EXT1: variants seen among roughly 807,000 people sequenced by gnomAD.
The protein encoded by EXT1 is exostosin glycosyltransferase 1.
Under a neutral mutation model 82.5 loss-of-function variants are expected in EXT1, and 20 were observed. The observed-to-expected ratio is 0.24, with a 90% CI of 0.17 to 0.35. The LOEUF is 0.35. Among genes scored for constraint, EXT1 ranks in the 10% least tolerant of loss-of-function variants. The pLI, the probability that EXT1 is intolerant of heterozygous loss-of-function variation, is 1.00. For synonymous variants in EXT1, 348 were observed against 350.8 expected (o/e 0.99, Z 0.09); for missense variants, 757 against 936.5 (o/e 0.81, Z 2.50).
intron 1 of EXT1, among the ~76,000 whole-genome samples, chr8:118,109,373 A>G (rs1349395346): frequency 6.6e-6 from 1 of 151,568 alleles, no homozygotes; most frequent in Non-Finnish European, 1.5e-5. Context: ...AAAAAAAAAA[A>G]AAGTTTATCC....
intron 1 of EXT1, among the ~76,000 whole-genome samples, chr8:117,862,997 C>T (rs1205738891): frequency 1.3e-5 from 2 of 151,868 alleles, no homozygotes; most frequent in Non-Finnish European, 2.9e-5. Flanking sequence ...GAGGTGTTGG[C>T]AGAGGAAGGA....
rs200815125 is a variant in EXT1 at position 118,111,030 on chromosome 8, C to T, written c.17G>A (p.Arg6His). Residue 6 changes from arginine to histidine, a missense_variant, in exon 1 of 11, where the codon CGC becomes CAC. This residue lies in a region of EXT1 where 175 missense variants were observed against 159.0 expected (regional missense o/e 1.10). Coordinates refer to ENST00000378204, the MANE Select transcript of EXT1 (RefSeq NM_000127.3). Reference sequence around the variant, plus strand: ...GCCAGCTGAGAGCAGGATGAAATAGCGTTTTTTGGCCTGCATGTGTCCTGC... The same window carrying T: ...GCCAGCTGAGAGCAGGATGAAATAGTGTTTTTTGGCCTGCATGTGTCCTGC... MQAKK[R>H]YFILLSAGSC... 1.3e-6 allele frequency: 2 copies of T among 1,598,248 alleles called. No homozygotes were observed. The highest frequency in any genetic ancestry group is 1.3e-5 in the African/African-American group (1 of 74,930).
At chr8:118,049,736 T>C (rs1156906839) in intron 1 of EXT1, among the ~76,000 whole-genome samples, 1 of 152,242 alleles carries the variant, frequency 6.6e-6, no homozygotes, top group East Asian at 1.9e-4. Context: ...AAGCTTTTTC[T>C]TTCTTTCTGG....
At chr8:117,821,952 T>C (rs1811931473) in intron 5 of EXT1, among the ~76,000 whole-genome samples, 1 of 152,214 alleles carries the variant, frequency 6.6e-6, no homozygotes, top group Admixed American at 6.5e-5. Context: ...TGACTTTTTA[T>C]TTCTAGTACC....
At chr8:118,063,855 T>C (rs577207478) in intron 1 of EXT1, among the ~76,000 whole-genome samples, 2 of 147,192 alleles carry the variant, frequency 1.4e-5, no homozygotes, top group South Asian at 4.2e-4. Context: ...ACTTTATTTA[T>C]TTACTTATTT....
At chr8:117,908,993 G>A (rs1414512814) in intron 1 of EXT1, among the ~76,000 whole-genome samples, 1 of 151,562 alleles carries the variant, frequency 6.6e-6, no homozygotes, top group Non-Finnish European at 1.5e-5. Flanking sequence ...TTAGCTGGGC[G>A]TGGTTGTACG....
At chr8:117,917,222 T>C (rs1813769274) in intron 1 of EXT1, among the ~76,000 whole-genome samples, 1 of 152,150 alleles carries the variant, frequency 6.6e-6, no homozygotes, top group Admixed American at 6.5e-5. Flanking sequence ...ACCTGTAATC[T>C]TGGCACTCTG....
intron 1 of EXT1, among the ~76,000 whole-genome samples, chr8:117,845,354 T>A (rs999218299): frequency 6.6e-6 from 1 of 152,122 alleles, no homozygotes; most frequent in African/African-American, 2.4e-5. Context: ...TTATCAACTC[T>A]AAACTCCACC....
At chr8:117,886,472 C>T (rs1563591174) in intron 1 of EXT1, among the ~76,000 whole-genome samples, 1 of 152,178 alleles carries the variant, frequency 6.6e-6, no homozygotes, top group Non-Finnish European at 1.5e-5. Flanking sequence ...TATAAATGAG[C>T]ATGAATACTC....
chr8:118,035,052 CAG>C (rs923921262), intron 1 of EXT1, among the ~76,000 whole-genome samples: 13 of 152,162 alleles, frequency 8.5e-5, no homozygotes, highest in African/African-American at 3.1e-4. Flanking sequence ...CATGTTAAAA[CAG>C]AGTGTTGCAA....
intron 1 of EXT1, among the ~76,000 whole-genome samples, chr8:118,003,703 T>G (rs994832828): frequency 6.6e-6 from 1 of 152,238 alleles, no homozygotes; most frequent in Non-Finnish European, 1.5e-5. Context: ...CTTACTCTAC[T>G]TTGATTTCAA....
intron 1 of EXT1, among the ~76,000 whole-genome samples, chr8:117,858,705 AAAAG>A (rs1812610843): frequency 2.2e-5 from 3 of 134,846 alleles, no homozygotes; most frequent in Non-Finnish European, 4.7e-5. Context: ...AGAAAGAAAG[AAAAG>A]AAAGAAGGAA....
chr8:117,828,727 T>C (rs574211161), intron 4 of EXT1, among the ~76,000 whole-genome samples: 1 of 152,302 alleles, frequency 6.6e-6, no homozygotes, highest in South Asian at 2.1e-4. Flanking sequence ...AAGGAAGCCC[T>C]TGGAAGTCAT....
intron 1 of EXT1, among the ~76,000 whole-genome samples, chr8:117,996,028 T>G (rs1431703585): frequency 6.6e-6 from 1 of 152,036 alleles, no homozygotes; most frequent in Non-Finnish European, 1.5e-5. Context: ...ACCTTGCCAC[T>G]TCTCATCAAG....
At chr8:117,919,099 G>T (rs563148727) in intron 1 of EXT1, among the ~76,000 whole-genome samples, 2 of 152,144 alleles carry the variant, frequency 1.3e-5, no homozygotes, top group African/African-American at 4.8e-5. Context: ...GAGAAAAAAA[G>T]AATTCAACTT....
At chr8:118,092,302 A>T (rs1302043143) in intron 1 of EXT1, among the ~76,000 whole-genome samples, 1 of 152,214 alleles carries the variant, frequency 6.6e-6, no homozygotes, top group African/African-American at 2.4e-5. Flanking sequence ...TCTATTTGGG[A>T]TCTAGAATTT....
chr8:117,987,898 G>A (rs1046534443), intron 1 of EXT1, among the ~76,000 whole-genome samples: 1 of 152,110 alleles, frequency 6.6e-6, no homozygotes, highest in African/African-American at 2.4e-5. Context: ...GACCAGCCTG[G>A]GCAACATAGC....
intron 1 of EXT1, among the ~76,000 whole-genome samples, chr8:117,913,713 T>C (rs901888619): frequency 1.3e-5 from 2 of 152,224 alleles, no homozygotes; most frequent in African/African-American, 4.8e-5. Context: ...GGATAATTCC[T>C]TGGATTTACT....
At chr8:117,904,466 C>T (rs1347203157) in intron 1 of EXT1, among the ~76,000 whole-genome samples, 1 of 151,970 alleles carries the variant, frequency 6.6e-6, no homozygotes, top group Admixed American at 6.6e-5. Context: ...ATAAACATAC[C>T]TATTGCTTTA....
Sources: gnomAD v4.1 joint callset for allele counts (sites outside exome capture counted in the v4.1 genomes callset) on GRCh38, gnomAD v4.1.1 for gene constraint, gnomAD v4.1.1 regional missense constraint, MANE v1.5 for transcripts, NCBI Gene and HGNC (gene_info 2026-07-23, HGNC 2026-07-21) for gene names.